AARSD1: variants seen among roughly 807,000 people sequenced by gnomAD.
AARSD1 encodes alanyl-tRNA synthetase domain containing 1.
A neutral mutation model predicts 48.7 loss-of-function variants in AARSD1; 44 were observed. That is an observed-to-expected ratio of 0.90 (90% CI 0.71 to 1.16). The LOEUF (loss-of-function observed/expected upper bound fraction) is 1.16, where lower values mean the gene tolerates loss of function less well. Ranked by LOEUF, AARSD1 falls within the 50% of genes most tolerant of loss-of-function variation. The pLI is 0.00. For missense variants in AARSD1, 511 were observed against 523.1 expected (o/e 0.98, Z 0.23); for synonymous variants, 189 against 194.9 (o/e 0.97, Z 0.25).
chr17:42,957,032 C>A (rs893593587), intron 4 of AARSD1, 106 bp downstream of exon 4: 5 of 1,324,048 alleles, frequency 3.8e-6, no homozygotes, highest in Non-Finnish European at 5.2e-6. Flanking sequence ...GCAATCACAG[C>A]TCACCACAGC....
chr17:42,956,601 A>C, intron 4 of AARSD1, 41 bp from the exon 5 acceptor site: 1 of 1,543,666 alleles, frequency 6.5e-7, no homozygotes, highest in Non-Finnish European at 8.7e-7. Flanking sequence ...TATCTTACTG[A>C]ACAAGAAAAA....
At position 42,956,438 on chromosome 17, in the gene AARSD1, C is replaced by T. The variant is rs750808207; in HGVS notation, c.512G>A (p.Arg171Gln). ...KIRDRLPVNV[R>Q]ELSLDDPEVE... ...CTCAGGATCATCCAGGCTCAGTTCT[C>T]GGACATTCACAGGCAGCCGATCTCT... The change falls in exon 5 of 12, where the codon CGA becomes CAA. Residue 171 changes from arginine (R) to glutamine (Q), a missense_variant. By Grantham distance (43) the Arg-to-Gln change is conservative. Transcript: ENST00000427569. 2.5e-6 allele frequency: 4 copies of T among 1,614,048 alleles called. No individual in the cohort carries two copies. Among genetic ancestry groups the T allele is most frequent in the East Asian group, 2.2e-5 (1 of 44,878 alleles).
At chr17:42,955,785 G>A in intron 7 of AARSD1, 57 bp downstream of exon 7, 1 of 1,609,386 alleles carries the variant, frequency 6.2e-7, no homozygotes, top group South Asian at 1.1e-5. Context: ...AGAGGTAAGA[G>A]ATTATGTCGA....
At chr17:42,960,997 A>G in intron 3 of AARSD1, 195 bp downstream of exon 3, 1 of 901,664 alleles carries the variant, frequency 1.1e-6, no homozygotes, top group Non-Finnish European at 1.6e-6. Flanking sequence ...AGTTATTCTA[A>G]TACTTTTTTT....
Position 42,953,785 on chromosome 17 carries a change from C to T in AARSD1, c.954-7G>A, listed in dbSNP as rs747170345. 2.5e-6 allele frequency: 4 copies of T among 1,614,152 alleles called. No homozygotes were observed. Among genetic ancestry groups the T allele is most frequent in the Non-Finnish European group, 2.5e-6 (3 of 1,180,000 alleles). On this transcript the variant is annotated splice_polypyrimidine_tract_variant and splice_region_variant and intron_variant, in intron 9 of 11. Coordinates refer to ENST00000427569, the MANE Select transcript of AARSD1 (RefSeq NM_001261434.2). ...CTCTGAATCACCCTCCTTCCTACAA[C>T]AAAGGACACAGACATGAGACCCAGG... is the stretch of plus-strand genomic sequence containing the variant.
At chr17:42,957,116 T>TA (rs1382807060) in intron 4 of AARSD1, 22 bp downstream of exon 4, 1 of 1,612,642 alleles carries the variant, frequency 6.2e-7, no homozygotes, top group South Asian at 1.1e-5. Flanking sequence ...TGCCTACAGT[T>TA]AGTCTTATGC....
rs370516483 is a variant in AARSD1 at position 42,956,416 on chromosome 17, A to G, written c.534T>C (p.Pro178=). ...VNVRELSLDD[P]EVEQVSGRGL... The stretch of plus-strand genomic sequence containing the variant: ...GCTCTACCCTTACCTGCTCCACCTC[A>G]GGATCATCCAGGCTCAGTTCTCGGA... The change falls in exon 5 of 12, where the codon CCT becomes CCC. Residue 178 remains proline (P), a synonymous_variant. Coordinates refer to ENST00000427569, the MANE Select transcript of AARSD1 (RefSeq NM_001261434.2). 3 of 1,613,888 alleles carry G rather than the reference A, an allele frequency of 1.9e-6. No homozygotes were observed. Among genetic ancestry groups the G allele is most frequent in the Admixed American group, 3.3e-5 (2 of 59,954 alleles).
chr17:42,962,290 C>T (rs2049648881), intron 2 of AARSD1: 3 of 124,880 alleles, frequency 2.4e-5, no homozygotes, highest in South Asian at 2.4e-4. Flanking sequence ...CAGAGCAAGA[C>T]ACCATCTCAA....
At chr17:42,956,172 T>A in intron 6 of AARSD1, 32 bp downstream of exon 6, 1 of 1,613,622 alleles carries the variant, frequency 6.2e-7, no homozygotes, top group Non-Finnish European at 8.5e-7. Context: ...CAATCCCTCT[T>A]CTCAGCCACT....
chr17:42,952,237 G>A, intron 10 of AARSD1: 1 of 316,392 alleles, frequency 3.2e-6, no homozygotes, highest in Non-Finnish European at 6.1e-6. Flanking sequence ...CCTCTGCCTG[G>A]CCGCCTCTGC....
At position 42,956,162 on chromosome 17, in the gene AARSD1, C is replaced by G. The variant is rs748971687; in HGVS notation, c.663+42G>C. On this transcript the variant is annotated intron_variant, in intron 6 of 11. Transcript: ENST00000427569. ...CAGCCCCATGTGATCCCCTCTCCCC[C>G]AATCCCTCTTCTCAGCCACTCCACA... is the stretch of plus-strand genomic sequence containing the variant. The G allele has an allele frequency of 1.2e-5, 20 of 1,613,520 alleles. No homozygotes were observed. In the East Asian group the frequency reaches 4.5e-4, roughly 36 times the overall value.
chr17:42,957,041 G>T, intron 4 of AARSD1, 97 bp downstream of exon 4: 1 of 1,428,416 alleles, frequency 7.0e-7, no homozygotes, highest in Non-Finnish European at 9.6e-7. Context: ...GCTCACCACA[G>T]CCTTAATCTC....
chr17:42,950,755 G>A (rs1488238673), intron 11 of AARSD1, 27 bp from the exon 12 acceptor site: 2 of 1,583,392 alleles, frequency 1.3e-6, no homozygotes, highest in Admixed American at 1.9e-5. Flanking sequence ...TAGTCAGGGA[G>A]ACTTTGAGGG....
At chr17:42,954,790 C>T in intron 9 of AARSD1, 86 bp downstream of exon 9, 1 of 1,414,472 alleles carries the variant, frequency 7.1e-7, no homozygotes, top group East Asian at 2.3e-5. Flanking sequence ...CAATCCACCT[C>T]CCACTGTACA....
chr17:42,955,963 T>G lies in AARSD1; in HGVS notation c.673A>C (p.Ile225Leu). The G allele has an allele frequency of 1.2e-6, 2 of 1,614,026 alleles. No homozygotes were observed. The highest frequency in any genetic ancestry group is 2.2e-5 in the South Asian group (2 of 91,070). ...TTTTTCCCCTTCTCAGTGCCCAGAA[T>G]CTTAATGACCTACATGAGGCAAGGG... ...SNLSDLQVIK[I>L]LGTEKGKKNR... Residue 225 changes from isoleucine to leucine, a missense_variant, in exon 7 of 12, where the codon ATT (isoleucine) becomes CTT (leucine). Physicochemically the swap from Ile to Leu is conservative, Grantham distance 5. Coordinates refer to ENST00000427569, the MANE Select transcript of AARSD1 (RefSeq NM_001261434.2).
chr17:42,956,626 C>T lies in AARSD1; in HGVS notation c.390-66G>A, dbSNP rs1283924047. On this transcript the variant is annotated intron_variant, in intron 4 of 11. Coordinates refer to ENST00000427569, the MANE Select transcript of AARSD1 (RefSeq NM_001261434.2). ...AACAAGAAAAAGCTGAAAGCTTTTCCTCTAAAAACTGGAACAAGCATACCC... is the reference window on the plus strand; with the variant it reads ...AACAAGAAAAAGCTGAAAGCTTTTCTTCTAAAAACTGGAACAAGCATACCC... 6 of 1,060,024 alleles carry T rather than the reference C, an allele frequency of 5.7e-6. No homozygotes were observed. In the Admixed American group the frequency reaches 1.8e-4, roughly 31 times the overall value. 65.7% of individuals were successfully genotyped at this position (1,060,024 alleles called of 1,614,324 possible).
intron 4 of AARSD1, 53 bp downstream of exon 4, chr17:42,957,085 C>G (rs1279908568): frequency 5.6e-6 from 9 of 1,605,448 alleles, no homozygotes; most frequent in Non-Finnish European, 6.0e-6. Flanking sequence ...CTCCGCCTCC[C>G]TCCCAGTGCT....
At position 42,956,233 on chromosome 17, in the gene AARSD1, T is replaced by C; in HGVS notation, c.634A>G (p.Thr212Ala). The C allele has an allele frequency of 6.2e-7, 1 of 1,613,902 alleles. No homozygotes were observed. The highest frequency in any genetic ancestry group is 8.5e-7 in the Non-Finnish European group (1 of 1,180,002). ...EGVDSNMCCG[T>A]HVSNLSDLQV... The stretch of plus-strand genomic sequence containing the variant: ...AGGTCACTGAGATTGCTCACATGGG[T>C]CCCACAGCACATGTTGGAATCAACG... The change falls in exon 6 of 12, where the codon ACC becomes GCC. Residue 212 changes from threonine (T) to alanine (A), a missense_variant. Transcript: ENST00000427569.
intron 1 of AARSD1, 67 bp from the exon 2 acceptor site, chr17:42,964,304 G>A (rs1009013330): frequency 6.2e-6 from 10 of 1,609,590 alleles, no homozygotes; most frequent in Non-Finnish European, 7.6e-6. Flanking sequence ...TCCACACCAG[G>A]ACAGAATGCC....
Sources: allele counts gnomAD v4.1 joint callset, GRCh38; gene constraint gnomAD v4.1.1; transcripts MANE v1.5; gene names NCBI Gene and HGNC (gene_info 2026-07-23, HGNC 2026-07-21).